KCNS3: variants seen among roughly 807,000 people sequenced by gnomAD.
The protein encoded by KCNS3 is potassium voltage-gated channel modifier subfamily S member 3.
Under a neutral mutation model 31.0 loss-of-function variants are expected in KCNS3, and 13 were observed. The observed-to-expected ratio is 0.42, with a 90% confidence interval of 0.27 to 0.67. The LOEUF (loss-of-function observed/expected upper bound fraction) is 0.67, where lower values mean the gene tolerates loss of function less well. KCNS3 is among the 30% of genes least tolerant of loss of function. KCNS3 has a pLI of 0.25. For missense variants in KCNS3, 545 were observed against 622.4 expected (o/e 0.88, Z 1.32); for synonymous variants, 238 against 241.5 (o/e 0.99, Z 0.13).
At position 17,910,993 on chromosome 2, in the gene KCNS3, T is replaced by C. The variant is rs143854843; in HGVS notation, c.-251-6687T>C. On this transcript the variant is annotated intron_variant, in intron 1 of 2. Coordinates refer to ENST00000304101, the MANE Select transcript of KCNS3 (RefSeq NM_002252.5). ...GCCACCATGCTTTTGTATGTGTTCT[T>C]TTCTCTCCTTGGAGAAGAGCCTTCT... Among the ~76,000 whole-genome samples, 632 of 152,324 alleles carry C rather than the reference T, an allele frequency of 4.1e-3. 8 individuals are homozygous for C. Among genetic ancestry groups the C allele is most frequent in the African/African-American group, 0.014 (587 of 41,566 alleles).
intron 1 of KCNS3, among the ~76,000 whole-genome samples, chr2:17,881,782 A>G (rs1558444161): frequency 6.6e-6 from 1 of 152,126 alleles, no homozygotes; most frequent in Admixed American, 6.6e-5. Context: ...ACATTTGTTG[A>G]ACAGTGACAG....
chr2:17,884,269 AT>A (rs1313843749), intron 1 of KCNS3, among the ~76,000 whole-genome samples: 2,645 of 35,288 alleles, frequency 0.075, 43 homozygotes, highest in Non-Finnish European at 0.095. Context: ...AAAAAAAAAA[AT>A]ATATATATAT....
rs5829612 is a variant in KCNS3 at position 17,893,940 on chromosome 2, G to GTTTTTTTTTT, written c.-252+15151_-252+15160dup. ...CCCTCTGCCATGATCCCAGGAGCCA[G>GTTTTTTTTTT]TTTTTTTTTTTTTTTTTTTTTTTTT... On this transcript the variant is annotated intron_variant, in intron 1 of 2. Coordinates refer to ENST00000304101, the MANE Select transcript of KCNS3 (RefSeq NM_002252.5). 1.9e-3 allele frequency among the ~76,000 whole-genome samples: 190 copies of GTTTTTTTTTT among 98,880 alleles called. 12 individuals carry two copies. The highest frequency in any genetic ancestry group is 4.6e-3 in the African/African-American group (104 of 22,406). The allele number at this position is 98,880 out of a possible 152,430, so 64.9% of individuals were successfully genotyped here.
At chr2:17,880,299 T>C (rs948444963) in intron 1 of KCNS3, among the ~76,000 whole-genome samples, 6 of 152,188 alleles carry the variant, frequency 3.9e-5, no homozygotes, top group African/African-American at 1.4e-4. Context: ...CTTGAGGAGA[T>C]TGACTCGTTC....
chr2:17,920,838 A>G (rs1264524253), intron 2 of KCNS3, among the ~76,000 whole-genome samples: 1 of 152,246 alleles, frequency 6.6e-6, no homozygotes, highest in East Asian at 1.9e-4. Context: ...TATGGCTGAC[A>G]TAATATGCAA....
chr2:17,893,676 C>T (rs1173579145), intron 1 of KCNS3, among the ~76,000 whole-genome samples: 6 of 152,170 alleles, frequency 3.9e-5, no homozygotes, highest in Non-Finnish European at 8.8e-5. Context: ...CTCCTGCAAA[C>T]AGACCTTCAG....
In KCNS3 at chr2:17,932,041, G is replaced by A. The variant is rs143152428; in HGVS notation, c.1033G>A (p.Val345Met). The change falls in exon 3 of 3, where the codon GTG becomes ATG. Residue 345 changes from valine (V) to methionine (M), a missense_variant. By Grantham distance (21) the Val-to-Met change is conservative. Transcript: ENST00000304101. ...ISIFSVLIYSVEKDDHTSSLT... is the reference protein window; with the variant it reads ...ISIFSVLIYSMEKDDHTSSLT... ...CATTTTCTCTGTGCTTATCTACTCCGTGGAGAAAGATGACCACACATCCAG... is the reference window on the plus strand; with the variant it reads ...CATTTTCTCTGTGCTTATCTACTCCATGGAGAAAGATGACCACACATCCAG... 117 of 1,613,902 alleles carry A rather than the reference G, an allele frequency of 7.2e-5. No homozygotes were observed. The highest frequency in any genetic ancestry group is 2.0e-4 in the South Asian group (18 of 91,078).
chr2:17,915,005 C>G (rs2125247457), intron 1 of KCNS3, among the ~76,000 whole-genome samples: 1 of 152,280 alleles, frequency 6.6e-6, no homozygotes, highest in South Asian at 2.1e-4. Flanking sequence ...GATTGGGTGT[C>G]AGGAGTCTGG....
At chr2:17,884,933 T>G (rs1396592137) in intron 1 of KCNS3, among the ~76,000 whole-genome samples, 1 of 19,458 alleles carries the variant, frequency 5.1e-5, no homozygotes, top group Admixed American at 8.3e-4. Context: ...TTCCCTGTTG[T>G]TTTTTTTTTT....
intron 2 of KCNS3, among the ~76,000 whole-genome samples, chr2:17,930,084 G>T (rs994681078): frequency 6.6e-6 from 1 of 152,152 alleles, no homozygotes; most frequent in African/African-American, 2.4e-5. Flanking sequence ...ATTAGTGTCA[G>T]AACTAAAAAC....
At chr2:17,918,741 C>T (rs1227088423) in intron 2 of KCNS3, among the ~76,000 whole-genome samples, 1 of 152,184 alleles carries the variant, frequency 6.6e-6, no homozygotes, top group African/African-American at 2.4e-5. Context: ...GAGTGAGCAA[C>T]AATCAGACTT....
At chr2:17,888,655 A>ATATATATATC (rs1558447029) in intron 1 of KCNS3, among the ~76,000 whole-genome samples, 1 of 135,062 alleles carries the variant, frequency 7.4e-6, no homozygotes, top group African/African-American at 2.7e-5. Flanking sequence ...ATATATATAT[A>ATATATATATC]TATATATATA....
At position 17,932,352 on chromosome 2, in the gene KCNS3, G is replaced by T. The variant is rs144169570; in HGVS notation, c.1344G>T (p.Met448Ile). The T allele has an allele frequency of 6.2e-7, 1 of 1,614,098 alleles. No individual in the cohort carries two copies. The highest frequency in any genetic ancestry group is 1.1e-5 in the South Asian group (1 of 91,072). Residue 448 changes from methionine to isoleucine, a missense_variant, in exon 3 of 3, where the codon ATG (methionine) becomes ATT (isoleucine). Physicochemically the swap from Met to Ile is conservative, Grantham distance 10. Transcript: ENST00000304101. Reference sequence around the variant, plus strand: ...TTAGGGATATATATGCACAGCGGATGCACACCTTCATTACCAGTCTCTCTT... The same window carrying T: ...TTAGGGATATATATGCACAGCGGATTCACACCTTCATTACCAGTCTCTCTT... ...FNIRDIYAQR[M>I]HTFITSLSSV...
chr2:17,907,556 G>A (rs377006938), intron 1 of KCNS3, among the ~76,000 whole-genome samples: 4,091 of 152,240 alleles, frequency 0.027, 138 homozygotes, highest in African/African-American at 0.079. Context: ...TCCTAGCATC[G>A]ATGATCTTTA....
At chr2:17,878,325 A>T (rs1447990936), upstream of KCNS3, among the ~76,000 whole-genome samples, 4 of 151,954 alleles carry the variant, frequency 2.6e-5, no homozygotes, top group African/African-American at 4.8e-5. Flanking sequence ...CCGGCCCAGG[A>T]GGGCGCGCAG....
At chr2:17,911,511 A>G (rs550158859) in intron 1 of KCNS3, among the ~76,000 whole-genome samples, 1 of 152,316 alleles carries the variant, frequency 6.6e-6, no homozygotes, top group South Asian at 2.1e-4. Flanking sequence ...TTTCATAAAT[A>G]TTTTATAATA....
chr2:17,910,228 GA>G (rs1662438956), intron 1 of KCNS3, among the ~76,000 whole-genome samples: 1 of 152,154 alleles, frequency 6.6e-6, no homozygotes, highest in African/African-American at 2.4e-5. Flanking sequence ...AAGTAATAAT[GA>G]GTATAAATGA....
chr2:17,884,095 A>G (rs1381488949), intron 1 of KCNS3, among the ~76,000 whole-genome samples: 2 of 90,288 alleles, frequency 2.2e-5, no homozygotes, highest in Admixed American at 1.8e-4. Context: ...ATCACACACC[A>G]GGGCCTGTTG....
chr2:17,903,434 A>C (rs1662234419), intron 1 of KCNS3, among the ~76,000 whole-genome samples: 1 of 152,128 alleles, frequency 6.6e-6, no homozygotes, highest in Admixed American at 6.6e-5. Context: ...TTGAAGTTTT[A>C]GGGGGTTATT....
Sources: gnomAD v4.1 joint callset for allele counts (sites outside exome capture counted in the v4.1 genomes callset) on GRCh38, gnomAD v4.1.1 for gene constraint, MANE v1.5 for transcripts, NCBI Gene and HGNC (gene_info 2026-07-23, HGNC 2026-07-21) for gene names.